Variants in CIST1 observed in about 807,000 individuals in gnomAD.
CIST1 encodes uncharacterized LOC729966.
chr19:18,255,107 G>A, the CIST1 span: 10 of 394,334 alleles, frequency 2.5e-5, no homozygotes, highest in African/African-American at 1.4e-4. This position sits in a 1 kb window ranked among gnomAD's most constrained non-coding sequence, Gnocchi z 4.6. Flanking sequence ...GAGGGTTGGC[G>A]GACCAGCGTG....
chr19:18,250,856 C>T, the CIST1 span, among the ~76,000 whole-genome samples: 1 of 151,696 alleles, frequency 6.6e-6, no homozygotes, highest in East Asian at 1.9e-4. Flanking sequence ...TTACTGTGAC[C>T]TCCATCTCCA....
the CIST1 span, chr19:18,250,016 G>A: frequency 1.5e-5 from 6 of 398,054 alleles, no homozygotes; most frequent in African/African-American, 4.1e-5. Flanking sequence ...TCCATAACTC[G>A]TGTTTTCACA....
At chr19:18,250,934 C>G in the CIST1 span, among the ~76,000 whole-genome samples, 1 of 152,040 alleles carries the variant, frequency 6.6e-6, no homozygotes, top group Non-Finnish European at 1.5e-5. Context: ...CCACCACACC[C>G]AGCTAATTTG....
chr19:18,251,549 C>T, the CIST1 span, among the ~76,000 whole-genome samples: 2 of 152,046 alleles, frequency 1.3e-5, no homozygotes, highest in Non-Finnish European at 2.9e-5. Flanking sequence ...ATTCTCCTGC[C>T]TCAGCCTCCC....
At chr19:18,251,128 CTT>C in the CIST1 span, among the ~76,000 whole-genome samples, 147 of 149,184 alleles carry the variant, frequency 9.9e-4, no homozygotes, top group African/African-American at 3.4e-3. Flanking sequence ...GAGATAGAGT[CTT>C]TTTTTTCCCC....
chr19:18,251,202 T>A, the CIST1 span, among the ~76,000 whole-genome samples: 1 of 151,584 alleles, frequency 6.6e-6, no homozygotes, highest in African/African-American at 2.4e-5. Context: ...GTGGGCTCAC[T>A]CCAACCTCCG....
the CIST1 span, among the ~76,000 whole-genome samples, chr19:18,253,557 A>AC: frequency 8.2e-5 from 4 of 48,770 alleles, no homozygotes; most frequent in African/African-American, 3.1e-4. Flanking sequence ...TCTCAAAAAA[A>AC]AAAAAAACAC....
the CIST1 span, chr19:18,252,290 G>A: frequency 2.5e-6 from 1 of 399,098 alleles, no homozygotes; most frequent in Non-Finnish European, 4.4e-6. Flanking sequence ...GGCTCGGCTG[G>A]ATGGTAGGGG....
the CIST1 span, chr19:18,250,313 A>G: frequency 2.5e-6 from 1 of 399,082 alleles, no homozygotes; most frequent in Non-Finnish European, 4.4e-6. Flanking sequence ...CTACCTTACC[A>G]TGGACACCTC....
At chr19:18,253,039 C>T in the CIST1 span, among the ~76,000 whole-genome samples, 6 of 152,302 alleles carry the variant, frequency 3.9e-5, no homozygotes, top group Admixed American at 2.6e-4. Flanking sequence ...GGTCTGAAGT[C>T]CCACAGCCTG....
the CIST1 span, among the ~76,000 whole-genome samples, chr19:18,253,288 C>G: frequency 1.3e-5 from 2 of 152,070 alleles, no homozygotes; most frequent in African/African-American, 4.8e-5. Context: ...GAGGCTGAGG[C>G]GGGAGGATTG....
chr19:18,253,897 A>C, the CIST1 span, among the ~76,000 whole-genome samples: 1 of 152,188 alleles, frequency 6.6e-6, no homozygotes, highest in Non-Finnish European at 1.5e-5. Flanking sequence ...GGCACTTACA[A>C]GTTCATTCAT....
chr19:18,250,027 C>G, the CIST1 span: 1 of 398,358 alleles, frequency 2.5e-6, no homozygotes, highest in Non-Finnish European at 4.4e-6. Flanking sequence ...TGTTTTCACA[C>G]GAGGCCTTGG....
the CIST1 span, among the ~76,000 whole-genome samples, chr19:18,250,679 T>G: frequency 6.6e-6 from 1 of 151,990 alleles, no homozygotes; most frequent in African/African-American, 2.4e-5. Flanking sequence ...CAATCACAGC[T>G]CACTGCAGCC....
chr19:18,252,385 C>T, the CIST1 span: 1 of 399,142 alleles, frequency 2.5e-6, no homozygotes, highest in East Asian at 3.6e-5. Flanking sequence ...GGGGGTTCCC[C>T]TGAACTGTGG....
At chr19:18,253,690 T>TC in the CIST1 span, among the ~76,000 whole-genome samples, 1 of 152,114 alleles carries the variant, frequency 6.6e-6, no homozygotes, top group Non-Finnish European at 1.5e-5. Flanking sequence ...AACCTCAACT[T>TC]TAATGGAAGA....
At chr19:18,251,208 C>CT in the CIST1 span, among the ~76,000 whole-genome samples, 1 of 151,804 alleles carries the variant, frequency 6.6e-6, no homozygotes, top group Non-Finnish European at 1.5e-5. Context: ...TCACTCCAAC[C>CT]TCCGCCTCCT....
At chr19:18,253,353 T>C in the CIST1 span, among the ~76,000 whole-genome samples, 3 of 152,048 alleles carry the variant, frequency 2.0e-5, no homozygotes, top group Non-Finnish European at 4.4e-5. Context: ...ACTGCACTCC[T>C]GCCTGGGAGA....
the CIST1 span, among the ~76,000 whole-genome samples, chr19:18,250,773 A>ATTT: frequency 8.0e-6 from 1 of 124,630 alleles, no homozygotes; most frequent in Non-Finnish European, 1.8e-5. Flanking sequence ...TGCCTGGACA[A>ATTT]TTTTTTTTTT....
Sources: allele counts gnomAD v4.1 joint callset (sites outside exome capture counted in the v4.1 genomes callset), GRCh38; gene constraint gnomAD v4.1.1; non-coding constraint Gnocchi (gnomAD v3.1); transcripts MANE v1.5; gene names NCBI Gene and HGNC (gene_info 2026-07-23, HGNC 2026-07-21).